The following EPHB1 variants were observed in gnomAD, a reference collection of about 807,000 sequenced individuals.
EPHB1 encodes EPH receptor B1, also known as ephrin type-B receptor 1.
EPHB1 carries 30 observed loss-of-function variants against 94.4 expected under a neutral mutation model. The ratio of observed to expected loss-of-function variants is 0.32; its 90% confidence interval spans 0.24 to 0.43. The LOEUF (loss-of-function observed/expected upper bound fraction) is 0.43, where lower values mean the gene tolerates loss of function less well. Among genes scored for constraint, EPHB1 ranks in the 20% least tolerant of loss-of-function variants. EPHB1 has a pLI of 1.00. For missense variants in EPHB1, 1,055 were observed against 1,308.3 expected, an observed-to-expected ratio of 0.81 and a Z score of 2.99; for synonymous variants, 522 against 489.1, an observed-to-expected ratio of 1.07 and a Z score of -0.89.
intron 3 of EPHB1, among the ~76,000 whole-genome samples, chr3:135,105,727 A>G (rs1295288998): frequency 6.6e-6 from 1 of 152,202 alleles, no homozygotes; most frequent in Non-Finnish European, 1.5e-5. Flanking sequence ...TGCCATGTGC[A>G]TGATAGATGA....
At chr3:135,256,578 C>T (rs917160758) in intron 15 of EPHB1, among the ~76,000 whole-genome samples, 13 of 152,122 alleles carry the variant, frequency 8.5e-5, no homozygotes, top group African/African-American at 2.2e-4. Flanking sequence ...GGGTTTCTGC[C>T]GAGAGATCTG....
chr3:134,858,015 G>A (rs1391766515), intron 1 of EPHB1, among the ~76,000 whole-genome samples: 1 of 152,140 alleles, frequency 6.6e-6, no homozygotes, highest in Non-Finnish European at 1.5e-5. Flanking sequence ...GTTTCATGAA[G>A]CATGGCACCA....
Position 134,795,583 on chromosome 3 carries a change from C to A in EPHB1, c.-49C>A. ...GGCGCCCTGGGACGCGGCGCTCTCC[C>A]GGCGCTGCTGCCTCGGCTTGGTCTC... On this transcript the variant is annotated 5_prime_UTR_variant, in exon 1 of 16. Transcript: ENST00000398015. 6.3e-7 allele frequency: 1 copy of A among 1,583,154 alleles called. No individual in the cohort carries two copies. Among genetic ancestry groups the A allele is most frequent in the Non-Finnish European group, 8.6e-7 (1 of 1,161,924 alleles).
At chr3:134,919,492 A>G (rs1489134698) in intron 1 of EPHB1, among the ~76,000 whole-genome samples, 3 of 152,164 alleles carry the variant, frequency 2.0e-5, no homozygotes, top group African/African-American at 7.2e-5. Flanking sequence ...TAGGGATGAG[A>G]TTACAGGGAG....
chr3:135,061,988 A>T (rs1937518021), intron 3 of EPHB1, among the ~76,000 whole-genome samples: 1 of 152,150 alleles, frequency 6.6e-6, no homozygotes, highest in African/African-American at 2.4e-5. Flanking sequence ...TTCTTAACCC[A>T]GTCTATCATT....
chr3:135,026,457 T>A lies in EPHB1; in HGVS notation c.805+74405T>A, dbSNP rs1358798256. ...GGCTAGCCAGTTTTCCCAGCACCAT[T>A]TATTAAATAGGGAATCCTTTCCCCA... On this transcript the variant is annotated intron_variant, in intron 3 of 15. Coordinates refer to ENST00000398015, the MANE Select transcript of EPHB1 (RefSeq NM_004441.5). Among the ~76,000 whole-genome samples the A allele has an allele frequency of 4.0e-5, 6 of 149,914 alleles. No homozygotes were observed. The East Asian group carries it at 1.2e-3, about 30-fold the overall frequency.
At chr3:134,808,119 A>G (rs1276668324) in intron 1 of EPHB1, among the ~76,000 whole-genome samples, 1 of 152,248 alleles carries the variant, frequency 6.6e-6, no homozygotes, top group African/African-American at 2.4e-5. Context: ...GAGACTAATC[A>G]GCACAGTCAC....
intron 10 of EPHB1, among the ~76,000 whole-genome samples, chr3:135,185,967 C>T (rs111471524): frequency 0.039 from 5,885 of 152,266 alleles, 182 homozygotes; most frequent in Non-Finnish European, 0.052. Flanking sequence ...ATACCCTGGT[C>T]CTGTCTTCTG....
chr3:135,240,878 C>T (rs1489282404), intron 12 of EPHB1, among the ~76,000 whole-genome samples: 1 of 152,092 alleles, frequency 6.6e-6, no homozygotes, highest in Non-Finnish European at 1.5e-5. Flanking sequence ...ACCTCCCCTG[C>T]AGCAACATTG....
intron 12 of EPHB1, among the ~76,000 whole-genome samples, chr3:135,201,940 C>T (rs373626713): frequency 6.6e-6 from 1 of 151,990 alleles, no homozygotes; most frequent in East Asian, 1.9e-4. Flanking sequence ...CTATAGTGTT[C>T]CTTGGGAAGA....
At chr3:135,135,120 C>T (rs762744624) in intron 5 of EPHB1, among the ~76,000 whole-genome samples, 5 of 152,074 alleles carry the variant, frequency 3.3e-5, no homozygotes, top group African/African-American at 4.8e-5. Flanking sequence ...TAATCATCCC[C>T]GATTTTGTAG....
chr3:135,249,620 G>C (rs1342247446), intron 15 of EPHB1, 129 bp downstream of exon 15: 8 of 1,104,480 alleles, frequency 7.2e-6, no homozygotes, highest in Non-Finnish European at 1.0e-5. Flanking sequence ...GACCAGGCCT[G>C]GATGGGGAGC....
At chr3:134,933,627 A>G (rs1422557714) in intron 2 of EPHB1, among the ~76,000 whole-genome samples, 1 of 152,152 alleles carries the variant, frequency 6.6e-6, no homozygotes, top group Non-Finnish European at 1.5e-5. Context: ...CAGTAGCCCC[A>G]TTTTACAGAT....
rs75624920 is a variant in EPHB1, at chr3:134,925,793, C to T, written c.59-23C>T. On this transcript the variant is annotated intron_variant, in intron 1 of 15. Coordinates refer to ENST00000398015, the MANE Select transcript of EPHB1 (RefSeq NM_004441.5). ...TTCTGACTCATTGTTTTTGTTTATT[C>T]GTTTTTTCTTTTTAATCTACAGAAA... 3,079 of 1,556,792 alleles carry T rather than the reference C, an allele frequency of 2.0e-3. 35 individuals are homozygous for T. In the African/African-American group the frequency reaches 0.031, roughly 16 times the overall value.
intron 3 of EPHB1, among the ~76,000 whole-genome samples, chr3:135,068,748 G>A (rs909765603): frequency 2.6e-5 from 4 of 150,984 alleles, no homozygotes; most frequent in East Asian, 2.0e-4. Context: ...TCCCAGGTTC[G>A]CGCCATTCTC....
chr3:135,175,277 A>C (rs1941945257), intron 9 of EPHB1, among the ~76,000 whole-genome samples: 1 of 152,222 alleles, frequency 6.6e-6, no homozygotes, highest in Non-Finnish European at 1.5e-5. Flanking sequence ...CTACTGATGG[A>C]AGGTCTCTGA....
intron 1 of EPHB1, among the ~76,000 whole-genome samples, chr3:134,816,936 A>T (rs1233068913): frequency 6.6e-6 from 1 of 152,088 alleles, no homozygotes; most frequent in Non-Finnish European, 1.5e-5. Flanking sequence ...TAGCAGACCC[A>T]GCAGAGCAAG....
chr3:135,059,913 G>A (rs568042881), intron 3 of EPHB1, among the ~76,000 whole-genome samples: 6 of 152,290 alleles, frequency 3.9e-5, no homozygotes, highest in Admixed American at 2.6e-4. Context: ...CTGATGCTCA[G>A]ATACAGTGCC....
intron 3 of EPHB1, among the ~76,000 whole-genome samples, chr3:134,954,401 T>C (rs1229620604): frequency 6.6e-6 from 1 of 152,202 alleles, no homozygotes; most frequent in African/African-American, 2.4e-5. Flanking sequence ...CCACTCATTT[T>C]TGGTGCTCAC....
Sources: gnomAD v4.1 joint callset for allele counts (sites outside exome capture counted in the v4.1 genomes callset) on GRCh38, gnomAD v4.1.1 for gene constraint, MANE v1.5 for transcripts, NCBI Gene and HGNC (gene_info 2026-07-23, HGNC 2026-07-21) for gene names.